Variants in SLC6A6 observed in about 807,000 individuals in gnomAD.
The protein encoded by SLC6A6 is solute carrier family 6 member 6.
Under a neutral mutation model 68.8 loss-of-function variants are expected in SLC6A6, and 16 were observed. The observed-to-expected ratio is 0.23, with a 90% CI of 0.16 to 0.35. SLC6A6 has a LOEUF of 0.35. Among genes scored for constraint, SLC6A6 ranks in the 10% least tolerant of loss-of-function variants. The pLI is 1.00. For missense variants in SLC6A6, 474 were observed against 802.8 expected, an observed-to-expected ratio of 0.59 and a Z score of 4.95; for synonymous variants, 312 against 315.4, an observed-to-expected ratio of 0.99 and a Z score of 0.12.
chr3:14,479,135 G>A lies in SLC6A6; in HGVS notation c.1501G>A (p.Gly501Arg), dbSNP rs746138760. Residue 501 changes from glycine (G) to arginine (R), a missense_variant, in exon 13 of 15, where the codon GGG (glycine) becomes AGG (arginine). Physicochemically the swap from Gly to Arg is moderately radical, Grantham distance 125 (BLOSUM62 -2). Transcript: ENST00000622186. The stretch of plus-strand genomic sequence containing the variant: ...TGAGGACATGATTGGCTATCGGCCC[G>A]GGCCCTGGATGAAGTACAGCTGGGC... Reference protein sequence around the residue: ...GIEDMIGYRPGPWMKYSWAVI... With the variant: ...GIEDMIGYRPRPWMKYSWAVI... 7.4e-6 allele frequency: 12 copies of A among 1,613,506 alleles called. No homozygotes were observed. Among genetic ancestry groups the A allele is most frequent in the East Asian group, 2.2e-5 (1 of 44,886 alleles).
At chr3:14,413,174 C>A (rs1220512164) in intron 1 of SLC6A6, among the ~76,000 whole-genome samples, 1 of 152,186 alleles carries the variant, frequency 6.6e-6, no homozygotes, top group Admixed American at 6.5e-5. Flanking sequence ...ACTGGGGATG[C>A]TCTGGGCGCC....
intron 2 of SLC6A6, among the ~76,000 whole-genome samples, chr3:14,435,941 G>A (rs1038351520): frequency 4.6e-5 from 7 of 152,106 alleles, no homozygotes; most frequent in Admixed American, 6.5e-5. Flanking sequence ...TCTTCCCTGC[G>A]ACCTCCCCAC....
Position 14,488,433 on chromosome 3 carries a change from TC to T in SLC6A6, c.*3429del, listed in dbSNP as rs1701234911. ...ACTGGTCCCCCACCCAGCCAGCATC[TC>T]CCAGCACAGCCCCTCTCCCTGGGGA... On this transcript the variant is annotated 3_prime_UTR_variant, in exon 15 of 15. Transcript: ENST00000622186. 1 of 152,194 alleles carries T rather than the reference TC, an allele frequency of 6.6e-6. No homozygotes were observed. The highest frequency in any genetic ancestry group is 2.1e-4 in the South Asian group (1 of 4,820). 9.4% of individuals were successfully genotyped at this position (152,194 alleles called of 1,614,324 possible).
intron 6 of SLC6A6, among the ~76,000 whole-genome samples, chr3:14,463,684 C>T (rs558304497): frequency 1.3e-5 from 2 of 152,226 alleles, no homozygotes; most frequent in Non-Finnish European, 2.9e-5. Flanking sequence ...TCTTTCCCCC[C>T]TTCTGTGGCT....
chr3:14,409,743 G>T, intron 1 of SLC6A6, among the ~76,000 whole-genome samples: 1 of 152,360 alleles, frequency 6.6e-6, no homozygotes, highest in Non-Finnish European at 1.5e-5. Context: ...GCCGCCTCAG[G>T]TCTGAGGGAG....
At chr3:14,406,906 C>T (rs955928617) in intron 1 of SLC6A6, among the ~76,000 whole-genome samples, 1 of 152,160 alleles carries the variant, frequency 6.6e-6, no homozygotes, top group African/African-American at 2.4e-5. Flanking sequence ...GTGGGCTGCC[C>T]TAACTGTGGT....
intron 7 of SLC6A6, among the ~76,000 whole-genome samples, 179 bp from the exon 8 acceptor site, chr3:14,467,674 C>T (rs1700651614): frequency 6.6e-6 from 1 of 152,176 alleles, no homozygotes; most frequent in Non-Finnish European, 1.5e-5. Context: ...TTCTGGGGCT[C>T]CTTGCAGCTC....
chr3:14,469,436 C>T (rs1700702279), intron 9 of SLC6A6, among the ~76,000 whole-genome samples: 1 of 152,188 alleles, frequency 6.6e-6, no homozygotes, highest in South Asian at 2.1e-4. Flanking sequence ...GAGGCGATGT[C>T]CCAGTCCCTG....
chr3:14,413,891 T>C (rs1282401477), intron 1 of SLC6A6, among the ~76,000 whole-genome samples: 1 of 152,224 alleles, frequency 6.6e-6, no homozygotes, highest in African/African-American at 2.4e-5. Flanking sequence ...TGGATTCTTA[T>C]CTTGCAAATG....
At chr3:14,479,059 A>G (rs1237995248) in intron 12 of SLC6A6, 26 bp from the exon 13 acceptor site, 1 of 1,510,880 alleles carries the variant, frequency 6.6e-7, no homozygotes. Flanking sequence ...GCTGTGTCAG[A>G]AAATGTCCCC....
intron 2 of SLC6A6, among the ~76,000 whole-genome samples, chr3:14,424,563 G>A (rs1234806456): frequency 6.6e-6 from 1 of 152,060 alleles, no homozygotes; most frequent in African/African-American, 2.4e-5. Flanking sequence ...TGGGGTAGGG[G>A]GTGGGGTTGG....
In SLC6A6 at chr3:14,488,929, A is replaced by G. The variant is rs1369538492; in HGVS notation, c.*3922A>G. On this transcript the variant is annotated 3_prime_UTR_variant, in exon 15 of 15. Transcript: ENST00000622186. ...TGGCTTCATTTTTTTTTTTTACCCAATTAATCTCCCAATCCCTAGCAACTG... is the reference window on the plus strand; with the variant it reads ...TGGCTTCATTTTTTTTTTTTACCCAGTTAATCTCCCAATCCCTAGCAACTG... 6.6e-6 allele frequency: 1 copy of G among 152,172 alleles called. No individual in the cohort carries two copies. Among genetic ancestry groups the G allele is most frequent in the Non-Finnish European group, 1.5e-5 (1 of 67,968 alleles). 9.4% of individuals were successfully genotyped at this position (152,172 alleles called of 1,614,324 possible). A position where few individuals can be genotyped will look rare whatever the true frequency, so the allele number is the denominator to read the frequency against.
Position 14,444,118 on chromosome 3 carries a change from C to T in SLC6A6, c.229+255C>T, listed in dbSNP as rs1173246731. ...GAGCAGGTCCCTCAGCCTCTCTGGT[C>T]CTCCAGTTTGCCACCTCCAAAGAGG... On this transcript the variant is annotated intron_variant, in intron 3 of 14. Coordinates refer to ENST00000622186, the MANE Select transcript of SLC6A6 (RefSeq NM_003043.6). The T allele has an allele frequency of 7.2e-5, 31 of 431,402 alleles. No individual in the cohort carries two copies. The East Asian group carries it at 1.2e-3, about 17-fold the overall frequency. The allele number at this position is 431,402 out of a possible 1,614,324, so 26.7% of individuals were successfully genotyped here.
chr3:14,424,503 C>T (rs986457553), intron 2 of SLC6A6, among the ~76,000 whole-genome samples: 3 of 149,702 alleles, frequency 2.0e-5, no homozygotes, highest in African/African-American at 7.4e-5. Flanking sequence ...AGGAGTGCAG[C>T]GTGGCTGGGG....
At chr3:14,474,045 ACTC>A (rs1238411698) in intron 10 of SLC6A6, among the ~76,000 whole-genome samples, 1 of 152,038 alleles carries the variant, frequency 6.6e-6, no homozygotes, top group Non-Finnish European at 1.5e-5. Context: ...TCTCACAGCC[ACTC>A]CTCCTACTTT....
Position 14,445,858 on chromosome 3 carries a change from A to G in SLC6A6, c.364+7A>G, listed in dbSNP as rs139457933. 1.8e-4 allele frequency: 294 copies of G among 1,614,176 alleles called. 4 individuals are homozygous for G. The East Asian group carries it at 6.3e-3, about 35-fold the overall frequency. Reference sequence around the variant, plus strand: ...ATCTGCCCCTTGTTCTCTGGTGAGTATGGGACGGAGGTCACTTGGGGCCTG... The same window carrying G: ...ATCTGCCCCTTGTTCTCTGGTGAGTGTGGGACGGAGGTCACTTGGGGCCTG... On this transcript the variant is annotated splice_region_variant and intron_variant, in intron 4 of 14. Coordinates refer to ENST00000622186, the MANE Select transcript of SLC6A6 (RefSeq NM_003043.6).
rs145287661 is a variant in SLC6A6 at position 14,467,746 on chromosome 3, C to T, written c.868-107C>T. ...AATGTTCCATTTGCATGTGCAAGGT[C>T]CCGTCCCCAGGCCATCGCCAGGTGG... On this transcript the variant is annotated intron_variant, in intron 7 of 14. Transcript: ENST00000622186. 2,297 of 659,134 alleles carry T rather than the reference C, an allele frequency of 3.5e-3. 6 individuals are homozygous for T. Among genetic ancestry groups the T allele is most frequent in the Non-Finnish European group, 4.3e-3 (1,617 of 372,718 alleles). The allele number at this position is 659,134 out of a possible 1,614,324, so 40.8% of individuals were successfully genotyped here. A position where few individuals can be genotyped will look rare whatever the true frequency, so the allele number is the denominator to read the frequency against.
intron 12 of SLC6A6, 21 bp downstream of exon 12, chr3:14,478,589 G>C: frequency 7.0e-7 from 1 of 1,432,810 alleles, no homozygotes; most frequent in Non-Finnish European, 9.8e-7. Flanking sequence ...ATTTTTTCAT[G>C]TCCTTTCTCA....
At chr3:14,405,660 C>T (rs1559280277) in intron 1 of SLC6A6, among the ~76,000 whole-genome samples, 2 of 152,234 alleles carry the variant, frequency 1.3e-5, no homozygotes, top group Non-Finnish European at 1.5e-5. Flanking sequence ...TGTTTGCCAA[C>T]TTGGCCAGAG....
Sources: allele counts gnomAD v4.1 joint callset (sites outside exome capture counted in the v4.1 genomes callset), GRCh38; gene constraint gnomAD v4.1.1; transcripts MANE v1.5; gene names NCBI Gene and HGNC (gene_info 2026-07-23, HGNC 2026-07-21).